The following ERO1B variants were observed in gnomAD, a reference collection of about 807,000 sequenced individuals.
ERO1B encodes ERO1-like protein beta.
Under a neutral mutation model 75.3 loss-of-function variants are expected in ERO1B, and 49 were observed. The observed-to-expected ratio is 0.65, with a 90% CI of 0.52 to 0.83. ERO1B has a LOEUF of 0.83. Ranked by LOEUF, ERO1B falls within the 40% of genes least tolerant of loss-of-function variation. ERO1B has a pLI of 0.00. For missense variants in ERO1B, 512 were observed against 560.1 expected, an observed-to-expected ratio of 0.91 and a Z score of 0.87; for synonymous variants, 191 against 192.9, an observed-to-expected ratio of 0.99 and a Z score of 0.08.
intron 2 of ERO1B, among the ~76,000 whole-genome samples, chr1:236,269,018 T>C (rs1466350055): frequency 1.3e-5 from 2 of 152,180 alleles, no homozygotes; most frequent in Non-Finnish European, 2.9e-5. Context: ...GTGGATGACC[T>C]GAGATCAGGA....
Position 236,232,846 on chromosome 1 carries a change from G to C in ERO1B, c.674-7C>G. 6.3e-7 allele frequency: 1 copy of C among 1,591,454 alleles called. No individual in the cohort carries two copies. The highest frequency in any genetic ancestry group is 8.6e-7 in the Non-Finnish European group (1 of 1,168,618). On this transcript the variant is annotated splice_polypyrimidine_tract_variant and splice_region_variant and intron_variant, in intron 8 of 15. Transcript: ENST00000354619. The stretch of plus-strand genomic sequence containing the variant: ...TGCTCACCATCATCTTCGCCTAAAA[G>C]AGAAAATAATAGAAAAGATTTTAGA...
At chr1:236,242,241 C>T (rs1371878868) in intron 6 of ERO1B, among the ~76,000 whole-genome samples, 2 of 151,966 alleles carry the variant, frequency 1.3e-5, no homozygotes, top group Non-Finnish European at 2.9e-5. Flanking sequence ...TAAATAAGCA[C>T]TATTATTTAT....
At chr1:236,265,844 C>T (rs749824603) in intron 2 of ERO1B, among the ~76,000 whole-genome samples, 7 of 152,186 alleles carry the variant, frequency 4.6e-5, no homozygotes, top group Non-Finnish European at 8.8e-5. Flanking sequence ...TGGTATTCTA[C>T]ATCTTTTCCC....
intron 9 of ERO1B, among the ~76,000 whole-genome samples, chr1:236,230,772 A>C (rs1196389721): frequency 2.0e-5 from 3 of 152,092 alleles, no homozygotes; most frequent in Non-Finnish European, 4.4e-5. Context: ...AAATATTTTG[A>C]CTATTAAATT....
intron 13 of ERO1B, among the ~76,000 whole-genome samples, chr1:236,224,239 G>A (rs1320224538): frequency 1.3e-5 from 2 of 152,092 alleles, no homozygotes; most frequent in Non-Finnish European, 2.9e-5. Context: ...AAATTACCTT[G>A]CACTAAACAT....
intron 10 of ERO1B, among the ~76,000 whole-genome samples, chr1:236,228,745 G>A (rs1057398971): frequency 1.3e-5 from 2 of 152,138 alleles, no homozygotes. Context: ...AGTGTAAGTA[G>A]GACTGCTATT....
At chr1:236,226,102 A>C (rs1664270967) in intron 12 of ERO1B, among the ~76,000 whole-genome samples, 167 bp downstream of exon 12, 1 of 152,200 alleles carries the variant, frequency 6.6e-6, no homozygotes, top group South Asian at 2.1e-4. Context: ...TTTTTCATCA[A>C]CATTTTCAGA....
At chr1:236,225,273 T>C in intron 12 of ERO1B, 134 bp from the exon 13 acceptor site, 1 of 811,442 alleles carries the variant, frequency 1.2e-6, no homozygotes, top group Non-Finnish European at 2.0e-6. Flanking sequence ...TTTGGTAATG[T>C]AGAAAAGTGA....
intron 3 of ERO1B, among the ~76,000 whole-genome samples, 183 bp downstream of exon 3, chr1:236,253,239 A>G (rs1302955556): frequency 6.6e-6 from 1 of 152,208 alleles, no homozygotes; most frequent in Non-Finnish European, 1.5e-5. Context: ...AAGTGTCTTC[A>G]AACCCATTTT....
intron 2 of ERO1B, among the ~76,000 whole-genome samples, chr1:236,254,912 C>T (rs1665125206): frequency 6.7e-6 from 1 of 149,732 alleles, no homozygotes; most frequent in Non-Finnish European, 1.5e-5. Context: ...CGTGCCTGGC[C>T]GGTCTTTATC....
chr1:236,222,363 T>G (rs1042151966), intron 13 of ERO1B, among the ~76,000 whole-genome samples: 1 of 152,204 alleles, frequency 6.6e-6, no homozygotes, highest in African/African-American at 2.4e-5. Flanking sequence ...TCTGCCCACC[T>G]CGACCTCCCA....
intron 5 of ERO1B, among the ~76,000 whole-genome samples, chr1:236,248,158 G>C (rs1220750701): frequency 6.6e-6 from 1 of 152,144 alleles, no homozygotes; most frequent in African/African-American, 2.4e-5. Context: ...TTGGCACATT[G>C]TAGACATTCA....
chr1:236,226,543 T>C, intron 11 of ERO1B, 28 bp from the exon 12 acceptor site: 1 of 1,600,026 alleles, frequency 6.2e-7, no homozygotes, highest in Non-Finnish European at 8.5e-7. Context: ...TACATTACAT[T>C]GTTTTAGTAA....
At position 236,226,345 on chromosome 1, in the gene ERO1B, C is replaced by T; in HGVS notation, c.976G>A (p.Val326Ile). Residue 326 changes from valine (V) to isoleucine (I), a missense_variant, in exon 12 of 16, where the codon GTC (valine) becomes ATC (isoleucine). By Grantham distance (29) the Val-to-Ile change is conservative. Transcript: ENST00000354619. ...TCTGCATTTCCAGTGTAAAGATCGACAATTGAGCGCTCAAAATATGGAGCC... is the reference window on the plus strand; with the variant it reads ...TCTGCATTTCCAGTGTAAAGATCGATAATTGAGCGCTCAAAATATGGAGCC... Reference protein sequence around the residue: ...KVAPYFERSIVDLYTGNAEED... With the variant: ...KVAPYFERSIIDLYTGNAEED... 1.2e-6 allele frequency: 2 copies of T among 1,614,072 alleles called. No homozygotes were observed. The highest frequency in any genetic ancestry group is 1.7e-6 in the Non-Finnish European group (2 of 1,179,990).
chr1:236,263,127 A>G (rs1365487679), intron 2 of ERO1B, among the ~76,000 whole-genome samples: 5 of 152,112 alleles, frequency 3.3e-5, no homozygotes, highest in Non-Finnish European at 5.9e-5. Flanking sequence ...TGTTGTTCCC[A>G]AGAGTATACC....
At chr1:236,260,062 T>A (rs549836745) in intron 2 of ERO1B, among the ~76,000 whole-genome samples, 1 of 152,120 alleles carries the variant, frequency 6.6e-6, no homozygotes, top group Admixed American at 6.5e-5. Flanking sequence ...AAACTAGAAA[T>A]CAGTAATCAA....
In ERO1B at chr1:236,257,062, C is replaced by A. The variant is rs79144457; in HGVS notation, c.223-3557G>T. On this transcript the variant is annotated intron_variant, in intron 2 of 15. Coordinates refer to ENST00000354619, the MANE Select transcript of ERO1B (RefSeq NM_019891.4). ...GAAACCAAAGCACACATCTAACATC[C>A]CAATATCTCTAGTCATATCCCAAGG... 5.9e-3 allele frequency among the ~76,000 whole-genome samples: 900 copies of A among 152,294 alleles called. 9 individuals carry two copies. The highest frequency in any genetic ancestry group is 0.02 in the African/African-American group (837 of 41,576).
chr1:236,278,122 T>A (rs1665749377), intron 1 of ERO1B, among the ~76,000 whole-genome samples: 1 of 152,138 alleles, frequency 6.6e-6, no homozygotes, highest in African/African-American at 2.4e-5. Flanking sequence ...GAGGTTTGAG[T>A]TGAAAATAAA....
In ERO1B at chr1:236,225,127, C is replaced by T. The variant is rs895549255; in HGVS notation, c.1065G>A (p.Met355Ile). The T allele has an allele frequency of 2.5e-6, 4 of 1,613,662 alleles. No homozygotes were observed. The African/African-American group carries it at 4.0e-5, about 16-fold the overall frequency. Residue 355 changes from methionine to isoleucine, a missense_variant, in exon 13 of 16, where the codon ATG (methionine) becomes ATA (isoleucine). Met to Ile is a conservative substitution (Grantham distance 10). Transcript: ENST00000354619. ...NIFQDTKSFPMHFDEKSMFAG... is the reference protein window; with the variant it reads ...NIFQDTKSFPIHFDEKSMFAG... Reference sequence around the variant, plus strand: ...CAAACATGGATTTCTCATCAAAGTGCATGGGAAAGGACCTGATAAAATGAT... The same window carrying T: ...CAAACATGGATTTCTCATCAAAGTGTATGGGAAAGGACCTGATAAAATGAT...
Sources: allele counts gnomAD v4.1 joint callset (sites outside exome capture counted in the v4.1 genomes callset), GRCh38; gene constraint gnomAD v4.1.1; transcripts MANE v1.5; gene names NCBI Gene and HGNC (gene_info 2026-07-23, HGNC 2026-07-21).